The following EXPH5 variants were observed in gnomAD, a reference collection of about 807,000 sequenced individuals.
The protein encoded by EXPH5 is exophilin-5.
In EXPH5, 42 loss-of-function variants were observed where a neutral mutation model predicts 41.1. The ratio of observed to expected loss-of-function variants is 1.02; its 90% CI spans 0.80 to 1.32. The LOEUF (loss-of-function observed/expected upper bound fraction) is 1.32. EXPH5 is among the 40% of genes most tolerant of loss of function. The probability of loss-of-function intolerance (pLI) is 0.00; values close to 1 mark genes in which losing one functional copy is unlikely to be tolerated. For missense variants in EXPH5, 2,298 were observed against 2,314.5 expected, an observed-to-expected ratio of 0.99 and a Z score of 0.15; for synonymous variants, 798 against 833.5, an observed-to-expected ratio of 0.96 and a Z score of 0.73.
chr11:108,514,351 C>G lies in EXPH5; in HGVS notation c.1156G>C (p.Glu386Gln), dbSNP rs2093707452. 6.2e-7 allele frequency: 1 copy of G among 1,613,582 alleles called. No individual in the cohort carries two copies. Among genetic ancestry groups the G allele is most frequent in the East Asian group, 2.2e-5 (1 of 44,882 alleles). Residue 386 changes from glutamate to glutamine, a missense_variant, in exon 6 of 6, where the codon GAA becomes CAA. Coordinates refer to ENST00000265843, the MANE Select transcript of EXPH5 (RefSeq NM_015065.3). ...GGTGATGGTGCCCTCAGGAACTCTT[C>G]CTGGTTCTCCCTGTCTCTAGAGGAA... Reference protein sequence around the residue: ...SDSSRDRENQEEFLRAPSPME... With the variant: ...SDSSRDRENQQEFLRAPSPME...
intron 1 of EXPH5, 124 bp from the exon 2 acceptor site, chr11:108,541,936 G>T: frequency 1.4e-6 from 1 of 709,564 alleles, no homozygotes; most frequent in Non-Finnish European, 2.2e-6. Flanking sequence ...GGAGTGCAGT[G>T]GCACAACCTC....
At chr11:108,533,476 T>C (rs2093857467) in intron 3 of EXPH5, among the ~76,000 whole-genome samples, 1 of 152,224 alleles carries the variant, frequency 6.6e-6, no homozygotes. Flanking sequence ...GTGCTGGGAT[T>C]ACAGGCGTGA....
Position 108,512,715 on chromosome 11 carries a change from T to C in EXPH5, c.2792A>G (p.Gln931Arg). The C allele has an allele frequency of 6.2e-7, 1 of 1,614,090 alleles. No individual in the cohort carries two copies. The highest frequency in any genetic ancestry group is 8.5e-7 in the Non-Finnish European group (1 of 1,180,020). The stretch of plus-strand genomic sequence containing the variant: ...GTGGCTTACAATAAACTGATTCTTT[T>C]GGTTCTTCCCAGCATTGTCTTTTTC... ...REEKDNAGKN[Q>R]KNQFIVSHSE... The change falls in exon 6 of 6, where the codon CAA becomes CGA. Residue 931 changes from glutamine to arginine, a missense_variant. Transcript: ENST00000265843.
chr11:108,606,213 C>G, the EXPH5 span, among the ~76,000 whole-genome samples: 1 of 152,232 alleles, frequency 6.6e-6, no homozygotes, highest in South Asian at 2.1e-4. Flanking sequence ...CCTTCTACAC[C>G]AAATCCCCAA....
intron 1 of EXPH5, among the ~76,000 whole-genome samples, chr11:108,588,821 A>T (rs997655111): frequency 1.3e-5 from 2 of 152,214 alleles, no homozygotes; most frequent in African/African-American, 2.4e-5. Flanking sequence ...GCATTGGGAT[A>T]TGGAACGATA....
At chr11:108,598,117 G>C (rs1048981320), upstream of EXPH5, among the ~76,000 whole-genome samples, 41 of 152,152 alleles carry the variant, frequency 2.7e-4, no homozygotes, top group South Asian at 2.1e-4. Flanking sequence ...CAGCCAGAGT[G>C]GTCAGGCTGG....
Position 108,514,762 on chromosome 11 carries a change from C to T in EXPH5, c.745G>A (p.Gly249Ser), listed in dbSNP as rs756075595. The part of the protein sequence containing the change: ...RTQFGHFYSS[G>S]NRHGNITERH... Reference sequence around the variant, plus strand: ...TCTGTGATATTACCATGTCTGTTACCACTGGAATAAAAGTGACCGAACTGT... The same window carrying T: ...TCTGTGATATTACCATGTCTGTTACTACTGGAATAAAAGTGACCGAACTGT... The change falls in exon 6 of 6, where the codon GGT becomes AGT. Residue 249 changes from glycine to serine, a missense_variant. Coordinates refer to ENST00000265843, the MANE Select transcript of EXPH5 (RefSeq NM_015065.3). The T allele has an allele frequency of 9.9e-6, 16 of 1,611,208 alleles. No homozygotes were observed. In the South Asian group the frequency reaches 1.3e-4, roughly 13 times the overall value.
intron 1 of EXPH5, chr11:108,552,096 C>T (rs1030154527): frequency 2.0e-5 from 3 of 152,042 alleles, no homozygotes; most frequent in African/African-American, 7.2e-5. Flanking sequence ...TCTTATCACT[C>T]ACCCTCCAGG....
intron 1 of EXPH5, among the ~76,000 whole-genome samples, chr11:108,582,201 T>A (rs1240483175): frequency 6.6e-6 from 1 of 152,078 alleles, no homozygotes; most frequent in Admixed American, 6.6e-5. Context: ...TGGTGGCTCA[T>A]GGCTGTAATC....
At chr11:108,573,991 T>C (rs577818242) in intron 1 of EXPH5, among the ~76,000 whole-genome samples, 4 of 152,032 alleles carry the variant, frequency 2.6e-5, no homozygotes, top group Admixed American at 6.6e-5. Flanking sequence ...AAGCTCCGCC[T>C]CCCGGGTTCA....
chr11:108,541,595 C>T, intron 2 of EXPH5, 57 bp downstream of exon 2: 1 of 1,244,700 alleles, frequency 8.0e-7, no homozygotes, highest in African/African-American at 1.5e-5. Flanking sequence ...CCATTATCTA[C>T]AATACTATGC....
intron 1 of EXPH5, among the ~76,000 whole-genome samples, chr11:108,587,392 A>G (rs2094116355): frequency 6.6e-6 from 1 of 152,214 alleles, no homozygotes; most frequent in East Asian, 1.9e-4. Flanking sequence ...GTTTCCTCAG[A>G]TCTTTCTTTC....
rs191475238 is a variant in EXPH5 at position 108,546,135 on chromosome 11, G to A, written c.120-4323C>T. Among the ~76,000 whole-genome samples the A allele has an allele frequency of 9.2e-5, 14 of 152,060 alleles. No individual in the cohort carries two copies. In the East Asian group the frequency reaches 2.7e-3, roughly 30 times the overall value. The stretch of plus-strand genomic sequence containing the variant: ...GGAAGAAGCAAGGAACAGAAATAAG[G>A]CCTGTGTAGCTGGAGTGTGGAGATG... On this transcript the variant is annotated intron_variant, in intron 1 of 5. Coordinates refer to ENST00000265843, the MANE Select transcript of EXPH5 (RefSeq NM_015065.3).
chr11:108,574,380 A>C (rs1263637237), intron 1 of EXPH5, among the ~76,000 whole-genome samples: 1 of 152,018 alleles, frequency 6.6e-6, no homozygotes, highest in African/African-American at 2.4e-5. Context: ...CATCTCAAAA[A>C]AAAAAAAAGG....
chr11:108,533,998 T>C (rs2093861775), intron 3 of EXPH5, among the ~76,000 whole-genome samples: 1 of 152,122 alleles, frequency 6.6e-6, no homozygotes, highest in African/African-American at 2.4e-5. Context: ...CCTGACTATG[T>C]TGACCAGGCT....
chr11:108,579,869 G>A (rs2094092507), intron 1 of EXPH5, among the ~76,000 whole-genome samples: 1 of 152,098 alleles, frequency 6.6e-6, no homozygotes, highest in Non-Finnish European at 1.5e-5. Context: ...GGGTTTTCTG[G>A]CAGCAACAGC....
chr11:108,581,335 G>C (rs991026677), intron 1 of EXPH5, among the ~76,000 whole-genome samples: 23 of 151,646 alleles, frequency 1.5e-4, no homozygotes, highest in Non-Finnish European at 3.2e-4. Context: ...ATATATGTAT[G>C]CATATATATA....
rs142464338 is a variant in EXPH5 at position 108,580,731 on chromosome 11, A to G, written c.119+12687T>C. Among the ~76,000 whole-genome samples the G allele has an allele frequency of 3.8e-3, 582 of 152,364 alleles. 3 individuals are homozygous for G. The highest frequency in any genetic ancestry group is 0.014 in the Middle Eastern group (4 of 294). On this transcript the variant is annotated intron_variant, in intron 1 of 5. Transcript: ENST00000265843. Reference sequence around the variant, plus strand: ...AGAATACTATTCAGCCATAAAAAGAATGAGATCTTGTCATTTGTGGCAACA... The same window carrying G: ...AGAATACTATTCAGCCATAAAAAGAGTGAGATCTTGTCATTTGTGGCAACA...
upstream of EXPH5, chr11:108,593,859 G>A: frequency 1.1e-6 from 1 of 886,414 alleles, no homozygotes; most frequent in Non-Finnish European, 1.7e-6. Context: ...GTCTCGTCCC[G>A]TCCCTCGTCC....
Sources: allele counts gnomAD v4.1 joint callset (sites outside exome capture counted in the v4.1 genomes callset), GRCh38; gene constraint gnomAD v4.1.1; transcripts MANE v1.5; gene names NCBI Gene and HGNC (gene_info 2026-07-23, HGNC 2026-07-21).